The following NLRP14 variants were observed in gnomAD, a reference collection of about 807,000 sequenced individuals.
The protein encoded by NLRP14 is NLR family pyrin domain containing 14, also known as NACHT, LRR and PYD domains-containing protein 14.
Under a neutral mutation model 94.7 loss-of-function variants are expected in NLRP14, and 105 were observed. That is an observed-to-expected ratio of 1.11 (90% CI 0.95 to 1.30). The LOEUF (loss-of-function observed/expected upper bound fraction) is 1.30, where lower values mean the gene tolerates loss of function less well. Among genes scored for constraint, NLRP14 ranks in the 50% most tolerant of loss-of-function variants. The probability of loss-of-function intolerance (pLI) is 0.00; values close to 1 mark genes in which losing one functional copy is unlikely to be tolerated. For synonymous variants in NLRP14, 508 were observed against 459.9 expected (o/e 1.10, Z -1.34); for missense variants, 1,362 against 1,254.1 (o/e 1.09, Z -1.30).
chr11:7,078,701 T>C, the NLRP14 span, among the ~76,000 whole-genome samples: 1 of 151,758 alleles, frequency 6.6e-6, no homozygotes, highest in Non-Finnish European at 1.5e-5. Context: ...AGCAGGAGAA[T>C]TGCTTGAACC....
intron 10 of NLRP14, among the ~76,000 whole-genome samples, chr11:7,069,083 C>A (rs1034505960): frequency 2.6e-5 from 4 of 152,124 alleles, no homozygotes; most frequent in African/African-American, 7.2e-5. Context: ...AGATTTGAGT[C>A]TTTGCAGTTC....
At chr11:7,085,933 AAATT>A in the NLRP14 span, among the ~76,000 whole-genome samples, 6 of 152,316 alleles carry the variant, frequency 3.9e-5, no homozygotes, top group East Asian at 1.2e-3. Flanking sequence ...CTACATTTTT[AAATT>A]AATTAATCTG....
At chr11:7,025,047 T>A (rs574033723) in intron 1 of NLRP14, among the ~76,000 whole-genome samples, 2 of 152,214 alleles carry the variant, frequency 1.3e-5, no homozygotes, top group African/African-American at 4.8e-5. Context: ...ATAGAAAATG[T>A]CTTTGTGTTG....
chr11:7,079,775 A>G, the NLRP14 span, among the ~76,000 whole-genome samples: 8 of 152,326 alleles, frequency 5.3e-5, no homozygotes, highest in Admixed American at 2.6e-4. Context: ...AAAGGAAAGC[A>G]GGGGTTTTTA....
At chr11:7,034,218 A>G (rs1852132473) in intron 1 of NLRP14, among the ~76,000 whole-genome samples, 1 of 152,238 alleles carries the variant, frequency 6.6e-6, no homozygotes, top group South Asian at 2.1e-4. Context: ...ACATTTGTCA[A>G]TATCAGTACG....
the NLRP14 span, among the ~76,000 whole-genome samples, chr11:7,082,869 C>T: frequency 0.58 from 87,967 of 152,032 alleles, 26,498 homozygotes; most frequent in East Asian, 0.78. Context: ...ATTGTGTTCA[C>T]GGTCAATCCC....
chr11:7,034,649 A>G (rs775723817), intron 1 of NLRP14, among the ~76,000 whole-genome samples: 3 of 152,216 alleles, frequency 2.0e-5, no homozygotes, highest in Non-Finnish European at 4.4e-5. Flanking sequence ...TAATTTCAGC[A>G]TAGTTAACAA....
At chr11:7,039,266 G>A (rs1852209962) in intron 2 of NLRP14, among the ~76,000 whole-genome samples, 1 of 151,970 alleles carries the variant, frequency 6.6e-6, no homozygotes, top group South Asian at 2.1e-4. Context: ...AATTATTATT[G>A]GACGTAATCC....
chr11:7,059,061 A>G (rs774084031), intron 8 of NLRP14, among the ~76,000 whole-genome samples: 2 of 151,942 alleles, frequency 1.3e-5, no homozygotes, highest in Non-Finnish European at 2.9e-5. Flanking sequence ...ATAGTTGAAA[A>G]GTAACTTTTA....
intron 5 of NLRP14, among the ~76,000 whole-genome samples, chr11:7,048,000 T>A (rs914800350): frequency 6.6e-6 from 1 of 152,028 alleles, no homozygotes; most frequent in African/African-American, 2.4e-5. Context: ...CCTCAAGTGA[T>A]CTACCCATCT....
intron 8 of NLRP14, 101 bp downstream of exon 8, chr11:7,058,551 C>G (rs1852557630): frequency 3.4e-6 from 3 of 873,924 alleles, no homozygotes; most frequent in Admixed American, 3.9e-5. Flanking sequence ...TTGCTTTTTC[C>G]CTGTTACCCT....
chr11:7,058,484 ATT>A, intron 8 of NLRP14, 34 bp downstream of exon 8: 1 of 1,479,696 alleles, frequency 6.8e-7, no homozygotes, highest in South Asian at 1.1e-5. Context: ...CTTAATATAT[ATT>A]GTACATTTTG....
chr11:7,049,716 T>G lies in NLRP14; in HGVS notation c.2169T>G (p.Thr723=), dbSNP rs1474241793. ...CTGATGGTTGTCAGGATATCTCTAC[T>G]TCTTTGATTCATAACAAGAATCTGA... ...TFPDGCQDIS[T]SLIHNKNLMH... The change falls in exon 6 of 12, where the codon ACT becomes ACG. Residue 723 remains threonine, a synonymous_variant. Coordinates refer to ENST00000299481, the MANE Select transcript of NLRP14 (RefSeq NM_176822.4). 6.8e-6 allele frequency: 11 copies of G among 1,612,874 alleles called. No homozygotes were observed. The highest frequency in any genetic ancestry group is 1.7e-5 in the Admixed American group (1 of 60,020).
chr11:7,059,030 T>G (rs915609632), intron 8 of NLRP14, among the ~76,000 whole-genome samples: 1 of 151,904 alleles, frequency 6.6e-6, no homozygotes, highest in Non-Finnish European at 1.5e-5. Flanking sequence ...ATCTACAATC[T>G]TTTTGATCTG....
the NLRP14 span, among the ~76,000 whole-genome samples, chr11:7,081,544 T>G: frequency 6.6e-6 from 1 of 152,184 alleles, no homozygotes; most frequent in Admixed American, 6.5e-5. Flanking sequence ...CATCTTATCC[T>G]TGTTGGCAAA....
At chr11:7,077,025 A>G in the NLRP14 span, among the ~76,000 whole-genome samples, 1 of 152,248 alleles carries the variant, frequency 6.6e-6, no homozygotes, top group Non-Finnish European at 1.5e-5. Flanking sequence ...AGCAGAAGTC[A>G]CTGCCCGAAA....
intron 1 of NLRP14, among the ~76,000 whole-genome samples, chr11:7,031,236 ACT>A (rs758819873): frequency 2.6e-5 from 4 of 151,746 alleles, no homozygotes; most frequent in Non-Finnish European, 4.4e-5. Flanking sequence ...GTATGGAATG[ACT>A]CTCCTCTTCT....
downstream of NLRP14, among the ~76,000 whole-genome samples, chr11:7,074,254 G>C (rs1180755555): frequency 6.6e-6 from 1 of 152,114 alleles, no homozygotes; most frequent in Non-Finnish European, 1.5e-5. Context: ...TAATGTTACT[G>C]GTGCTGATAT....
chr11:7,047,400 C>A (rs962705380), intron 5 of NLRP14, among the ~76,000 whole-genome samples: 1 of 151,650 alleles, frequency 6.6e-6, no homozygotes, highest in South Asian at 2.1e-4. Context: ...AACTCCTGGG[C>A]TCAAGCAATC....
Sources: gnomAD v4.1 joint callset for allele counts (sites outside exome capture counted in the v4.1 genomes callset) on GRCh38, gnomAD v4.1.1 for gene constraint, MANE v1.5 for transcripts, NCBI Gene and HGNC (gene_info 2026-07-23, HGNC 2026-07-21) for gene names.